ACP6: variants seen among roughly 807,000 people sequenced by gnomAD.
The protein encoded by ACP6 is lysophosphatidic acid phosphatase type 6.
Under a neutral mutation model 48.1 loss-of-function variants are expected in ACP6, and 48 were observed. The ratio of observed to expected loss-of-function variants is 1.00; its 90% CI spans 0.79 to 1.27. The LOEUF is 1.27. ACP6 is among the 50% of genes most tolerant of loss of function. The pLI is 0.00. For synonymous variants in ACP6, 172 were observed against 204.2 expected, an observed-to-expected ratio of 0.84 and a Z score of 1.34; for missense variants, 485 against 529.1, an observed-to-expected ratio of 0.92 and a Z score of 0.82.
At chr1:147,636,073 T>C (rs1324168933) in intron 5 of ACP6, among the ~76,000 whole-genome samples, 8 of 152,186 alleles carry the variant, frequency 5.3e-5, no homozygotes, top group African/African-American at 1.9e-4. Flanking sequence ...CTAACGATGG[T>C]ACTTGAAATT....
In ACP6 at chr1:147,659,302, G is replaced by A. The variant is rs1660410480; in HGVS notation, c.479+94C>T. On this transcript the variant is annotated intron_variant, in intron 3 of 9. Transcript: ENST00000583509. ...GACAAGTTGTCCCCCAAACTACCTT[G>A]GGTGACAGTGGGAACCATCTTGGGG... is the stretch of plus-strand genomic sequence containing the variant. 3 of 1,512,808 alleles carry A rather than the reference G, an allele frequency of 2.0e-6. No individual in the cohort carries two copies. The Admixed American group carries it at 5.9e-5, about 30-fold the overall frequency. 93.7% of individuals were successfully genotyped at this position (1,512,808 alleles called of 1,614,324 possible).
rs1659506842 is a variant in ACP6, at chr1:147,643,180, AG to A, written c.*4242del. 1 of 152,226 alleles carries A rather than the reference AG, an allele frequency of 6.6e-6. No individual in the cohort carries two copies. The highest frequency in any genetic ancestry group is 2.4e-5 in the African/African-American group (1 of 41,462). 9.4% of individuals were successfully genotyped at this position (152,226 alleles called of 1,614,324 possible). ...ACATTCAGTCCTCAACATCATTGAT[AG>A]GTTCTTGGAAACTGTAGCTTTAAGT... On this transcript the variant is annotated 3_prime_UTR_variant, in exon 10 of 10. Transcript: ENST00000583509.
At chr1:147,650,037 T>C (rs1659835244) in intron 8 of ACP6, 106 bp downstream of exon 8, 1 of 901,664 alleles carries the variant, frequency 1.1e-6, no homozygotes, top group Non-Finnish European at 1.7e-6. Flanking sequence ...CTACCTTCGG[T>C]CACTGACAGC....
chr1:147,647,560 C>T lies in ACP6; in HGVS notation c.1150G>A (p.Val384Met). 1 of 1,612,364 alleles carries T rather than the reference C, an allele frequency of 6.2e-7. No homozygotes were observed. The highest frequency in any genetic ancestry group is 8.5e-7 in the Non-Finnish European group (1 of 1,179,824). Residue 384 changes from valine to methionine, a missense_variant, in exon 10 of 10, where the codon GTG (valine) becomes ATG (methionine). Physicochemically the swap from Val to Met is conservative, Grantham distance 21. Coordinates refer to ENST00000583509, the MANE Select transcript of ACP6 (RefSeq NM_016361.5). ...AGCCCATCAGGGCAACCTCTCGGCACCTGCTCCTGCAGAAGAAACATAACT... is the reference window on the plus strand; with the variant it reads ...AGCCCATCAGGGCAACCTCTCGGCATCTGCTCCTGCAGAAGAAACATAACT... ...VQLYYHGKEQ[V>M]PRGCPDGLCP...
At chr1:147,648,182 T>A (rs1659724405) in intron 9 of ACP6, 64 bp downstream of exon 9, 1 of 1,585,480 alleles carries the variant, frequency 6.3e-7, no homozygotes, top group African/African-American at 1.3e-5. Flanking sequence ...TGGTGCTAAC[T>A]CAGGTAGGTG....
At chr1:147,649,023 C>A (rs1488947947) in intron 8 of ACP6, among the ~76,000 whole-genome samples, 1 of 152,074 alleles carries the variant, frequency 6.6e-6, no homozygotes, top group African/African-American at 2.4e-5. Context: ...TTCTAAAGAT[C>A]CAAGGCAGAA....
Position 147,669,340 on chromosome 1 carries a change from T to C in ACP6, c.219+490A>G, listed in dbSNP as rs143585399. On this transcript the variant is annotated intron_variant, in intron 1 of 9. Transcript: ENST00000583509. ...TGAGAAAAAGCAGTTATAAAGTTTG[T>C]TTCCAAAGGCAACGACCTCTTATCC... Among the ~76,000 whole-genome samples the C allele has an allele frequency of 1.2e-4, 18 of 152,224 alleles. No individual in the cohort carries two copies. The East Asian group carries it at 3.5e-3, about 29-fold the overall frequency.
At chr1:147,635,304 A>C (rs1553207850) in intron 5 of ACP6, among the ~76,000 whole-genome samples, 1 of 152,202 alleles carries the variant, frequency 6.6e-6, no homozygotes, top group African/African-American at 2.4e-5. Context: ...CACTGCTCTA[A>C]GATTTCAATC....
At chr1:147,650,086 C>T (rs2148904092) in intron 8 of ACP6, 57 bp downstream of exon 8, 5 of 1,508,668 alleles carry the variant, frequency 3.3e-6, no homozygotes, top group Non-Finnish European at 4.6e-6. Context: ...TCCCTCCCTA[C>T]AGCCAGAAGT....
intron 4 of ACP6, among the ~76,000 whole-genome samples, chr1:147,657,150 T>C (rs1660298674): frequency 6.6e-6 from 1 of 152,220 alleles, no homozygotes; most frequent in South Asian, 2.1e-4. Context: ...ACACTAATAA[T>C]ATTATAAACC....
At chr1:147,668,343 A>G (rs1484816941) in intron 1 of ACP6, among the ~76,000 whole-genome samples, 3 of 152,104 alleles carry the variant, frequency 2.0e-5, no homozygotes, top group African/African-American at 7.2e-5. Context: ...GGCAGAAGAT[A>G]TCCATCACAC....
At chr1:147,666,737 T>A (rs1660816554) in intron 1 of ACP6, among the ~76,000 whole-genome samples, 1 of 152,220 alleles carries the variant, frequency 6.6e-6, no homozygotes, top group Non-Finnish European at 1.5e-5. Context: ...CTGGCATGTG[T>A]ATTTTTTAAA....
Position 147,652,479 on chromosome 1 carries a change from G to A in ACP6, c.851C>T (p.Thr284Ile). ...ARMIEQRAVD[T>I]SLYILPKEDR... ...TTCCTTGGGCAGTATGTACAAGGAT[G>A]TGTCCACAGCTCTCTGTTCGATCAT... The change falls in exon 7 of 10, where the codon ACA becomes ATA. Residue 284 changes from threonine to isoleucine, a missense_variant. Coordinates refer to ENST00000583509, the MANE Select transcript of ACP6 (RefSeq NM_016361.5). 1 of 1,614,046 alleles carries A rather than the reference G, an allele frequency of 6.2e-7. No homozygotes were observed. The highest frequency in any genetic ancestry group is 8.5e-7 in the Non-Finnish European group (1 of 1,180,002).
chr1:147,650,466 T>C (rs929778772), intron 7 of ACP6: 1 of 449,320 alleles, frequency 2.2e-6, no homozygotes, highest in Non-Finnish European at 3.9e-6. Context: ...CACAGACCTG[T>C]TGTGAACACA....
At chr1:147,669,767 CGA>C in intron 1 of ACP6, 61 bp downstream of exon 1, 3 of 1,466,516 alleles carry the variant, frequency 2.0e-6, no homozygotes, top group Non-Finnish European at 2.8e-6. Flanking sequence ...TGTGTCAGGG[CGA>C]GACTCCTGGC....
chr1:147,653,528 A>G (rs1257255669), intron 6 of ACP6, among the ~76,000 whole-genome samples: 1 of 152,232 alleles, frequency 6.6e-6, no homozygotes, highest in Non-Finnish European at 1.5e-5. Context: ...AGTCTAAAAA[A>G]TACGCCATAC....
chr1:147,632,332 C>T (rs587664920), intron 5 of ACP6, among the ~76,000 whole-genome samples: 1 of 152,210 alleles, frequency 6.6e-6, no homozygotes, highest in African/African-American at 2.4e-5. Context: ...ATCACTTGTT[C>T]ACCAGCATCT....
At chr1:147,649,905 T>G (rs993620821) in intron 8 of ACP6, 23 of 518,946 alleles carry the variant, frequency 4.4e-5, no homozygotes, top group Non-Finnish European at 6.7e-5. Context: ...ATATCTTCAA[T>G]TAATAAAAAA....
rs587754422 is a variant in ACP6 at position 147,664,738 on chromosome 1, TA to T, written c.220-4964del. 9.9e-5 allele frequency among the ~76,000 whole-genome samples: 15 copies of T among 152,192 alleles called. No homozygotes were observed. The South Asian group carries it at 3.1e-3, about 32-fold the overall frequency. ...TGCCTTTCCTGGGTGTTCAAGTTAGTAAAGAAAAAAGGCCAGCTGTGAATGT... is the reference window on the plus strand; with the variant it reads ...TGCCTTTCCTGGGTGTTCAAGTTAGTAAGAAAAAAGGCCAGCTGTGAATGT... On this transcript the variant is annotated intron_variant, in intron 1 of 9. Coordinates refer to ENST00000583509, the MANE Select transcript of ACP6 (RefSeq NM_016361.5).
Sources: gnomAD v4.1 joint callset for allele counts (sites outside exome capture counted in the v4.1 genomes callset) on GRCh38, gnomAD v4.1.1 for gene constraint, MANE v1.5 for transcripts, NCBI Gene and HGNC (gene_info 2026-07-23, HGNC 2026-07-21) for gene names.